RLN2: variants seen among roughly 807,000 people sequenced by gnomAD.
RLN2 encodes the protein prorelaxin H2.
In RLN2, 10 loss-of-function variants were observed where a neutral mutation model predicts 7.3. The ratio of observed to expected loss-of-function variants is 1.36; its 90% CI spans 0.84 to 2.31. RLN2 has a LOEUF of 2.31. Among genes scored for constraint, RLN2 ranks in the 30% most tolerant of loss-of-function variants. The pLI, the probability that RLN2 is intolerant of heterozygous loss-of-function variation, is 0.00. For synonymous variants in RLN2, 103 were observed against 82.3 expected, an observed-to-expected ratio of 1.25 and a Z score of -1.36; for missense variants, 298 against 217.6, an observed-to-expected ratio of 1.37 and a Z score of -2.32.
rs2130993638 is a variant in RLN2, at chr9:5,304,601, G to A, written c.-21C>T. The A allele has an allele frequency of 6.2e-7, 1 of 1,612,040 alleles. No individual in the cohort carries two copies. Among genetic ancestry groups the A allele is most frequent in the East Asian group, 2.2e-5 (1 of 44,846 alleles). On this transcript the variant is annotated 5_prime_UTR_variant, in exon 1 of 2. Coordinates refer to ENST00000381627, the MANE Select transcript of RLN2 (RefSeq NM_134441.3). Reference sequence around the variant, plus strand: ...GGCATCCTGGGCCTGGTCTCTCCTGGAGGTCGGGACGTTGCAGCCTTTCAG... The same window carrying A: ...GGCATCCTGGGCCTGGTCTCTCCTGAAGGTCGGGACGTTGCAGCCTTTCAG...
the RLN2 span, among the ~76,000 whole-genome samples, chr9:5,317,943 C>G: frequency 6.6e-6 from 1 of 151,572 alleles, no homozygotes; most frequent in Non-Finnish European, 1.5e-5. Flanking sequence ...GGTGGGAATG[C>G]AAAATCGTAC....
chr9:5,325,846 A>AT, the RLN2 span, among the ~76,000 whole-genome samples: 9 of 151,646 alleles, frequency 5.9e-5, no homozygotes, highest in African/African-American at 1.7e-4. Flanking sequence ...GGTGACATCA[A>AT]TTTTTTTTTA....
At chr9:5,308,003 ATGACAGTCGGTGCTACAT>A (rs1816285134), upstream of RLN2, among the ~76,000 whole-genome samples, 1 of 151,926 alleles carries the variant, frequency 6.6e-6, no homozygotes, top group Non-Finnish European at 1.5e-5. Context: ...CCTGATCCCA[ATGACAGTCGGTGCTACAT>A]TGGATCTGTT....
chr9:5,305,433 A>G (rs1816231176), upstream of RLN2, among the ~76,000 whole-genome samples: 2 of 151,710 alleles, frequency 1.3e-5, no homozygotes, highest in South Asian at 4.2e-4. Flanking sequence ...AGAGAAGAAA[A>G]AAAAGCAGTG....
chr9:5,336,874 AC>A, the RLN2 span, among the ~76,000 whole-genome samples: 2 of 151,954 alleles, frequency 1.3e-5, no homozygotes, highest in Non-Finnish European at 2.9e-5. Context: ...ACGACCCTTC[AC>A]CTAGACAGCG....
chr9:5,318,618 C>G, the RLN2 span, among the ~76,000 whole-genome samples: 1 of 151,908 alleles, frequency 6.6e-6, no homozygotes, highest in African/African-American at 2.4e-5. Flanking sequence ...AATCACAGAA[C>G]AAGAGAATTA....
chr9:5,312,011 C>CT, the RLN2 span, among the ~76,000 whole-genome samples: 25 of 150,948 alleles, frequency 1.7e-4, no homozygotes, highest in South Asian at 2.9e-3. Flanking sequence ...TTTTATTTTA[C>CT]TTTTTTTTTA....
At chr9:5,326,159 T>A in the RLN2 span, among the ~76,000 whole-genome samples, 1 of 152,132 alleles carries the variant, frequency 6.6e-6, no homozygotes, top group Non-Finnish European at 1.5e-5. Context: ...TTTTTAGTGT[T>A]CCTTATAAAT....
At chr9:5,328,665 G>T in the RLN2 span, among the ~76,000 whole-genome samples, 2 of 151,892 alleles carry the variant, frequency 1.3e-5, no homozygotes, top group Admixed American at 6.6e-5. Flanking sequence ...CAGAGAGAAA[G>T]GTCAGGTTAC....
At chr9:5,335,210 A>G in the RLN2 span, 1 of 1,226,530 alleles carries the variant, frequency 8.2e-7, no homozygotes. Flanking sequence ...CATCAAGACT[A>G]TGTGTGAAAA....
the RLN2 span, chr9:5,335,319 A>G: frequency 6.2e-7 from 1 of 1,611,736 alleles, no homozygotes; most frequent in Non-Finnish European, 8.5e-7. Flanking sequence ...AGTGCCACGT[A>G]GGGTCGTCTC....
the RLN2 span, among the ~76,000 whole-genome samples, chr9:5,321,104 T>C: frequency 6.6e-6 from 1 of 152,112 alleles, no homozygotes; most frequent in Non-Finnish European, 1.5e-5. Context: ...TTTTTGAAAA[T>C]CACAGTTTTA....
the RLN2 span, among the ~76,000 whole-genome samples, chr9:5,328,709 T>C: frequency 6.6e-6 from 1 of 151,924 alleles, no homozygotes; most frequent in Admixed American, 6.6e-5. Context: ...TAACAGCGGA[T>C]CTCTCGGCAG....
At chr9:5,326,372 G>A in the RLN2 span, among the ~76,000 whole-genome samples, 1 of 152,104 alleles carries the variant, frequency 6.6e-6, no homozygotes, top group Non-Finnish European at 1.5e-5. Flanking sequence ...TGGAGCCACT[G>A]AAGTGGTACT....
chr9:5,306,859 A>C (rs1309334055), upstream of RLN2, among the ~76,000 whole-genome samples: 1 of 152,068 alleles, frequency 6.6e-6, no homozygotes, highest in Admixed American at 6.5e-5. Flanking sequence ...TAAGTGCTAG[A>C]CATGGTTTCC....
chr9:5,309,768 C>T, the RLN2 span, among the ~76,000 whole-genome samples: 3 of 151,964 alleles, frequency 2.0e-5, no homozygotes, highest in South Asian at 6.2e-4. Flanking sequence ...CAGTGGCAAG[C>T]ACACAGTGGC....
At chr9:5,331,453 G>A in the RLN2 span, among the ~76,000 whole-genome samples, 9 of 151,922 alleles carry the variant, frequency 5.9e-5, no homozygotes, top group Admixed American at 1.3e-4. Flanking sequence ...TTAAGAAAAC[G>A]TGGCACATAT....
chr9:5,322,351 G>C, the RLN2 span, among the ~76,000 whole-genome samples: 2 of 151,998 alleles, frequency 1.3e-5, no homozygotes, highest in East Asian at 3.9e-4. Flanking sequence ...AGCATGCCAG[G>C]GACCCTCCAG....
chr9:5,308,476 G>A (rs1206308907), upstream of RLN2, among the ~76,000 whole-genome samples: 1 of 151,894 alleles, frequency 6.6e-6, no homozygotes, highest in Non-Finnish European at 1.5e-5. Flanking sequence ...TGCTTTTATT[G>A]GGGTTTGTGG....
Sources: allele counts gnomAD v4.1 joint callset (sites outside exome capture counted in the v4.1 genomes callset), GRCh38; gene constraint gnomAD v4.1.1; transcripts MANE v1.5; gene names NCBI Gene and HGNC (gene_info 2026-07-23, HGNC 2026-07-21).